Variants in COX7B2 observed in about 807,000 individuals in gnomAD.
COX7B2 encodes the protein cytochrome c oxidase subunit 7B2, mitochondrial.
For synonymous variants in COX7B2, 37 were observed against 32.1 expected, an observed-to-expected ratio of 1.15 and a Z score of -0.51; for missense variants, 109 against 95.9, an observed-to-expected ratio of 1.14 and a Z score of -0.57.
intron 1 of COX7B2, among the ~76,000 whole-genome samples, chr4:46,885,730 C>A (rs1243960098): frequency 6.6e-6 from 1 of 152,074 alleles, no homozygotes; most frequent in Non-Finnish European, 1.5e-5. Context: ...TTTATCTAAG[C>A]ATTTAATTCT....
chr4:46,774,090 G>C (rs553733528), intron 2 of COX7B2, among the ~76,000 whole-genome samples: 7 of 152,070 alleles, frequency 4.6e-5, no homozygotes, highest in African/African-American at 1.7e-4. Flanking sequence ...TATGCTTTCC[G>C]TGATTCTGTT....
At chr4:46,862,894 A>G (rs942894291) in intron 1 of COX7B2, among the ~76,000 whole-genome samples, 1 of 152,182 alleles carries the variant, frequency 6.6e-6, no homozygotes, top group Non-Finnish European at 1.5e-5. Context: ...TATAGCTTAA[A>G]ATCTTAAAAT....
chr4:46,738,742 TG>T (rs779457332), intron 2 of COX7B2, among the ~76,000 whole-genome samples: 31 of 152,044 alleles, frequency 2.0e-4, no homozygotes, highest in Non-Finnish European at 3.5e-4. Context: ...GTAAAGGAAA[TG>T]TTTCTGAAAG....
Position 46,782,056 on chromosome 4 carries a change from G to A in COX7B2, c.-49-46815C>T, listed in dbSNP as rs117095745. On this transcript the variant is annotated intron_variant, in intron 2 of 2. Coordinates refer to ENST00000355591, the MANE Select transcript of COX7B2 (RefSeq NM_130902.3). ...GCTGAGGAGTACGGGCACGTGGCGC[G>A]GACTGGTGGGCAGCTCTGCCCATGG... Among the ~76,000 whole-genome samples, 51 of 152,262 alleles carry A rather than the reference G, an allele frequency of 3.3e-4. 1 individual carries two copies. The East Asian group carries it at 7.4e-3, about 22-fold the overall frequency.
chr4:46,786,385 T>C (rs1560380028), intron 2 of COX7B2, among the ~76,000 whole-genome samples: 1 of 152,220 alleles, frequency 6.6e-6, no homozygotes, highest in Non-Finnish European at 1.5e-5. Flanking sequence ...TCCTGGTTTT[T>C]GCTGTTGTTG....
intron 2 of COX7B2, among the ~76,000 whole-genome samples, chr4:46,806,346 AAAAT>A (rs748864383): frequency 6.6e-6 from 1 of 151,926 alleles, no homozygotes; most frequent in Non-Finnish European, 1.5e-5. Flanking sequence ...GAAAAAATAA[AAAAT>A]AAAGTAAAAA....
At chr4:46,894,562 C>G (rs111590080) in intron 1 of COX7B2, among the ~76,000 whole-genome samples, 37 of 152,216 alleles carry the variant, frequency 2.4e-4, no homozygotes, top group African/African-American at 8.4e-4. Flanking sequence ...CAATACCATC[C>G]TGGACTTAGG....
intron 1 of COX7B2, among the ~76,000 whole-genome samples, chr4:46,887,345 G>A (rs1296526572): frequency 6.6e-6 from 1 of 152,160 alleles, no homozygotes; most frequent in Non-Finnish European, 1.5e-5. Flanking sequence ...ACCTTCATCT[G>A]AATGCATCCT....
intron 2 of COX7B2, among the ~76,000 whole-genome samples, chr4:46,755,111 A>G (rs1715702605): frequency 6.6e-6 from 1 of 151,908 alleles, no homozygotes; most frequent in Admixed American, 6.6e-5. Flanking sequence ...GCTTTACCCC[A>G]GGGAGTAAAG....
At chr4:46,811,630 T>C (rs188602608) in intron 2 of COX7B2, among the ~76,000 whole-genome samples, 1 of 152,336 alleles carries the variant, frequency 6.6e-6, no homozygotes, top group African/African-American at 2.4e-5. Context: ...AGGCAATTTG[T>C]AAATTGTTGT....
At position 46,792,658 on chromosome 4, in the gene COX7B2, A is replaced by G. The variant is rs192967708; in HGVS notation, c.-50+52302T>C. Among the ~76,000 whole-genome samples, 185 of 152,240 alleles carry G rather than the reference A, an allele frequency of 1.2e-3. 1 individual carries two copies. Among genetic ancestry groups the G allele is most frequent in the African/African-American group, 4.2e-3 (175 of 41,540 alleles). ...CAGTTTGTGGGACTTCTCAGAGCAG[A>G]CTGTGGGACTTCTCAGCCTCCAAAG... is the stretch of plus-strand genomic sequence containing the variant. On this transcript the variant is annotated intron_variant, in intron 2 of 2. Coordinates refer to ENST00000355591, the MANE Select transcript of COX7B2 (RefSeq NM_130902.3).
intron 2 of COX7B2, among the ~76,000 whole-genome samples, chr4:46,742,736 G>C (rs1028577717): frequency 1.3e-5 from 2 of 152,170 alleles, no homozygotes; most frequent in African/African-American, 4.8e-5. Flanking sequence ...AAAAATAAGA[G>C]AGTGGACAAA....
intron 2 of COX7B2, among the ~76,000 whole-genome samples, chr4:46,794,741 A>G (rs10029824): frequency 0.035 from 5,324 of 152,232 alleles, 314 homozygotes; most frequent in African/African-American, 0.12. Flanking sequence ...TCAAAACAGC[A>G]ATAATAATAA....
At chr4:46,876,404 CTT>C (rs1213695191) in intron 1 of COX7B2, among the ~76,000 whole-genome samples, 26 of 128,072 alleles carry the variant, frequency 2.0e-4, no homozygotes, top group South Asian at 7.9e-4. Flanking sequence ...GTCCTATTGT[CTT>C]TTTTTTTTTT....
intron 1 of COX7B2, among the ~76,000 whole-genome samples, chr4:46,896,645 G>GT (rs1553898836): frequency 4.1e-5 from 6 of 146,310 alleles, no homozygotes; most frequent in Non-Finnish European, 7.5e-5. Context: ...TAACAAAAAA[G>GT]AAAAAAAAAA....
At chr4:46,790,800 C>T (rs1718000732) in intron 2 of COX7B2, among the ~76,000 whole-genome samples, 1 of 152,114 alleles carries the variant, frequency 6.6e-6, no homozygotes, top group African/African-American at 2.4e-5. Context: ...CATTTTGGAA[C>T]TATTAACCTC....
chr4:46,766,011 G>C (rs1716512903), intron 2 of COX7B2, among the ~76,000 whole-genome samples: 1 of 151,958 alleles, frequency 6.6e-6, no homozygotes, highest in African/African-American at 2.4e-5. Context: ...CTCCAGTCCA[G>C]GTCCACTCAG....
At chr4:46,794,112 T>C (rs1718196507) in intron 2 of COX7B2, among the ~76,000 whole-genome samples, 1 of 152,204 alleles carries the variant, frequency 6.6e-6, no homozygotes, top group Admixed American at 6.5e-5. Context: ...GTACAAAGTA[T>C]AACACATAAA....
At chr4:46,736,957 CTAATT>C in intron 2 of COX7B2, among the ~76,000 whole-genome samples, 1 of 152,240 alleles carries the variant, frequency 6.6e-6, no homozygotes, top group East Asian at 1.9e-4. Flanking sequence ...ATATTTTTAA[CTAATT>C]TAGGTAAATC....
Sources: gnomAD v4.1 joint callset for allele counts (sites outside exome capture counted in the v4.1 genomes callset) on GRCh38, gnomAD v4.1.1 for gene constraint, MANE v1.5 for transcripts, NCBI Gene and HGNC (gene_info 2026-07-23, HGNC 2026-07-21) for gene names.